ZDHHC14: variants seen among roughly 807,000 people sequenced by gnomAD.
ZDHHC14 encodes palmitoyltransferase ZDHHC14.
Under a neutral mutation model 47.7 loss-of-function variants are expected in ZDHHC14, and 16 were observed. The ratio of observed to expected loss-of-function variants is 0.34; its 90% CI spans 0.23 to 0.51. The LOEUF (loss-of-function observed/expected upper bound fraction) is 0.51. Ranked by LOEUF, ZDHHC14 falls within the 20% of genes least tolerant of loss-of-function variation. The pLI, the probability that ZDHHC14 is intolerant of heterozygous loss-of-function variation, is 0.97. For synonymous variants in ZDHHC14, 293 were observed against 278.9 expected, an observed-to-expected ratio of 1.05 and a Z score of -0.50; for missense variants, 515 against 662.5, an observed-to-expected ratio of 0.78 and a Z score of 2.44.
At chr6:157,419,554 C>T (rs1012341286) in intron 1 of ZDHHC14, among the ~76,000 whole-genome samples, 2 of 152,208 alleles carry the variant, frequency 1.3e-5, no homozygotes, top group Admixed American at 6.5e-5. Flanking sequence ...GAGTTGGGAT[C>T]ATGCAAGATG....
chr6:157,653,493 C>G (rs1192152868), intron 7 of ZDHHC14, 32 bp from the exon 8 acceptor site: 3 of 1,610,152 alleles, frequency 1.9e-6, no homozygotes, highest in South Asian at 1.1e-5. Context: ...TTTATTCACT[C>G]TCTTCCTGCT....
At chr6:157,483,735 TG>T (rs1277169660) in intron 1 of ZDHHC14, among the ~76,000 whole-genome samples, 2 of 152,168 alleles carry the variant, frequency 1.3e-5, no homozygotes, top group Non-Finnish European at 2.9e-5. Context: ...CCTTCCATGT[TG>T]TATGTGTGCA....
chr6:157,548,459 G>GTTTGTT (rs71558065), intron 2 of ZDHHC14, among the ~76,000 whole-genome samples: 1 of 151,008 alleles, frequency 6.6e-6, no homozygotes, highest in African/African-American at 2.5e-5. Context: ...TTGTTTGTTT[G>GTTTGTT]TTTTGAGACT....
chr6:157,433,190 T>G (rs899697693), intron 1 of ZDHHC14, among the ~76,000 whole-genome samples: 1 of 152,266 alleles, frequency 6.6e-6, no homozygotes, highest in African/African-American at 2.4e-5. Context: ...ACGATCACTC[T>G]ATTTCTTGAG....
At chr6:157,397,852 C>A (rs1777552966) in intron 1 of ZDHHC14, among the ~76,000 whole-genome samples, 1 of 152,094 alleles carries the variant, frequency 6.6e-6, no homozygotes. Flanking sequence ...ATTTGTCTGG[C>A]TGACCACCGT....
intron 1 of ZDHHC14, among the ~76,000 whole-genome samples, chr6:157,504,727 A>T (rs1362728062): frequency 1.3e-5 from 2 of 152,020 alleles, no homozygotes; most frequent in Non-Finnish European, 2.9e-5. Flanking sequence ...GGCATATCTT[A>T]AAAACTTATC....
intron 1 of ZDHHC14, among the ~76,000 whole-genome samples, chr6:157,536,028 A>T (rs1305400677): frequency 6.6e-6 from 1 of 151,252 alleles, no homozygotes; most frequent in Non-Finnish European, 1.5e-5. Context: ...TCACAATGCT[A>T]CTCTGATTAT....
intron 1 of ZDHHC14, among the ~76,000 whole-genome samples, chr6:157,540,512 C>A (rs1164066919): frequency 1.3e-5 from 2 of 152,156 alleles, no homozygotes; most frequent in Non-Finnish European, 2.9e-5. Flanking sequence ...TCACAAGTAG[C>A]CATCCTTGGA....
intron 3 of ZDHHC14, among the ~76,000 whole-genome samples, chr6:157,594,200 TC>T (rs1408888423): frequency 6.6e-6 from 1 of 152,244 alleles, no homozygotes; most frequent in African/African-American, 2.4e-5. Flanking sequence ...AAAGCAGTCT[TC>T]CGTTTGTCTT....
At chr6:157,478,468 A>C (rs1779542752) in intron 1 of ZDHHC14, among the ~76,000 whole-genome samples, 1 of 152,236 alleles carries the variant, frequency 6.6e-6, no homozygotes. Flanking sequence ...TTCCAGGTTC[A>C]GATTTAAGAC....
intron 1 of ZDHHC14, among the ~76,000 whole-genome samples, chr6:157,401,788 G>A (rs1322304244): frequency 1.3e-5 from 2 of 150,154 alleles, no homozygotes; most frequent in South Asian, 2.1e-4. Context: ...AGCTGCAGTA[G>A]TGAGGTGAGC....
chr6:157,604,637 G>A (rs1413888736), intron 3 of ZDHHC14, among the ~76,000 whole-genome samples: 4 of 151,770 alleles, frequency 2.6e-5, no homozygotes, highest in Admixed American at 1.3e-4. Flanking sequence ...TCCGCCTCCC[G>A]GGTTCAAGCA....
intron 3 of ZDHHC14, among the ~76,000 whole-genome samples, chr6:157,617,950 A>G (rs1431547625): frequency 6.6e-6 from 1 of 152,226 alleles, no homozygotes; most frequent in African/African-American, 2.4e-5. Flanking sequence ...AGCATTACAA[A>G]TGCGTCAGCC....
intron 2 of ZDHHC14, among the ~76,000 whole-genome samples, chr6:157,569,873 C>A (rs992744070): frequency 3.9e-5 from 6 of 151,906 alleles, no homozygotes; most frequent in African/African-American, 1.5e-4. Context: ...TAGTTTCCAA[C>A]TGTTTGTGTC....
Position 157,586,982 on chromosome 6 carries a change from C to G in ZDHHC14, c.407-6006C>G, listed in dbSNP as rs553254657. Among the ~76,000 whole-genome samples, 1 of 152,306 alleles carries G rather than the reference C, an allele frequency of 6.6e-6. No homozygotes were observed. Among genetic ancestry groups the G allele is most frequent in the African/African-American group, 2.4e-5 (1 of 41,560 alleles). ...TAGAGTTTATCTTCAGGAGTGTCAG[C>G]AAATACTCACTTTATCAAGTCATTG... On this transcript the variant is annotated intron_variant, in intron 2 of 8. Coordinates refer to ENST00000359775, the MANE Select transcript of ZDHHC14 (RefSeq NM_024630.3). The surrounding 1 kb of genome is among the most constrained non-coding windows in gnomAD (Gnocchi z 4.6).
chr6:157,448,877 G>A (rs567238032), intron 1 of ZDHHC14, among the ~76,000 whole-genome samples: 6 of 152,206 alleles, frequency 3.9e-5, no homozygotes, highest in Non-Finnish European at 8.8e-5. Flanking sequence ...CGCCTGGCCA[G>A]TGCTTTCATT....
intron 3 of ZDHHC14, among the ~76,000 whole-genome samples, chr6:157,598,396 C>T (rs1210074232): frequency 1.3e-5 from 2 of 152,110 alleles, no homozygotes; most frequent in African/African-American, 2.4e-5. Context: ...TCCTGGTTTC[C>T]GCTATCTCTT....
intron 1 of ZDHHC14, among the ~76,000 whole-genome samples, chr6:157,431,563 G>T (rs1778339013): frequency 6.6e-6 from 1 of 152,084 alleles, no homozygotes; most frequent in Admixed American, 6.5e-5. Flanking sequence ...ATGGGGCAAG[G>T]GTCTAGGTCA....
intron 3 of ZDHHC14, among the ~76,000 whole-genome samples, chr6:157,609,534 T>A (rs1156672942): frequency 1.3e-5 from 2 of 152,188 alleles, no homozygotes; most frequent in Non-Finnish European, 2.9e-5. Context: ...CAAAGCAACG[T>A]CATAAAGAGC....
Sources: gnomAD v4.1 joint callset for allele counts (sites outside exome capture counted in the v4.1 genomes callset) on GRCh38, gnomAD v4.1.1 for gene constraint, Gnocchi (gnomAD v3.1) non-coding constraint, MANE v1.5 for transcripts, NCBI Gene and HGNC (gene_info 2026-07-23, HGNC 2026-07-21) for gene names.